Variants in TNIK observed in about 807,000 individuals in gnomAD.
TNIK encodes TRAF2 and NCK-interacting protein kinase.
TNIK carries 49 observed loss-of-function variants against 191.3 expected under a neutral mutation model. The observed-to-expected ratio is 0.26, with a 90% confidence interval of 0.20 to 0.32. The LOEUF (loss-of-function observed/expected upper bound fraction) is 0.32. Ranked by LOEUF, TNIK falls within the 10% of genes least tolerant of loss-of-function variation. The pLI is 1.00. For missense variants in TNIK, 1,155 were observed against 1,702.3 expected (o/e 0.68, Z 5.66); for synonymous variants, 594 against 600.9 (o/e 0.99, Z 0.17).
At chr3:171,104,797 C>G (rs191355646) in intron 21 of TNIK, among the ~76,000 whole-genome samples, 255 of 152,184 alleles carry the variant, frequency 1.7e-3, no homozygotes, top group African/African-American at 5.9e-3. Flanking sequence ...ATATCCTCAT[C>G]TGAGGGAAAA....
Position 171,140,433 on chromosome 3 carries a change from C to T in TNIK, c.1298G>A (p.Arg433Gln), listed in dbSNP as rs758846738. Residue 433 changes from arginine to glutamine, a missense_variant, in exon 13 of 33, where the codon CGG becomes CAG. This residue lies in a region of TNIK where 735 missense variants were observed against 848.0 expected (regional missense o/e 0.87). Transcript: ENST00000436636. ...QRRHYEEQMR[R>Q]EEERRRAEHE... is the part of the protein sequence containing the mutation. ...CTCCGCACGCCTCCTCTCCTCCTCC[C>T]GGCGCATCTGCTCCTCATAGTGCCG... 50 of 1,608,616 alleles carry T rather than the reference C, an allele frequency of 3.1e-5. No homozygotes were observed. The highest frequency in any genetic ancestry group is 5.4e-5 in the African/African-American group (4 of 74,586).
intron 20 of TNIK, 148 bp from the exon 21 acceptor site, chr3:171,107,354 A>G (rs1377304857): frequency 2.9e-6 from 2 of 689,382 alleles, no homozygotes; most frequent in Non-Finnish European, 4.8e-6. Flanking sequence ...GAATGATGCA[A>G]ATCCCTTCAT....
chr3:171,065,191 G>A (rs1718275114), intron 32 of TNIK, among the ~76,000 whole-genome samples: 1 of 152,186 alleles, frequency 6.6e-6, no homozygotes, highest in South Asian at 2.1e-4. Context: ...GATTCTTAGA[G>A]ACTGGGTGGG....
intron 5 of TNIK, among the ~76,000 whole-genome samples, chr3:171,192,162 G>T (rs978147151): frequency 3.9e-5 from 6 of 152,210 alleles, no homozygotes; most frequent in African/African-American, 1.2e-4. Context: ...AGGGTTTGAG[G>T]CACTGGTTTA....
chr3:171,365,013 A>G (rs562007113), intron 2 of TNIK, among the ~76,000 whole-genome samples: 54 of 152,160 alleles, frequency 3.5e-4, no homozygotes, highest in Non-Finnish European at 5.7e-4. Flanking sequence ...TCGTGGGGAT[A>G]ATGAAGGGCC....
intron 2 of TNIK, among the ~76,000 whole-genome samples, chr3:171,267,471 G>T (rs115618798): frequency 6.6e-4 from 101 of 152,294 alleles, no homozygotes; most frequent in African/African-American, 2.3e-3. Context: ...GAGACTCCCA[G>T]GTCTGATTTA....
At chr3:171,207,676 T>A (rs189679539) in intron 4 of TNIK, among the ~76,000 whole-genome samples, 10 of 152,302 alleles carry the variant, frequency 6.6e-5, no homozygotes, top group African/African-American at 2.2e-4. Context: ...CTGCTGCAGC[T>A]TCTGGCAATT....
chr3:171,213,310 C>T (rs10936674), intron 3 of TNIK, among the ~76,000 whole-genome samples: 46,328 of 151,896 alleles, frequency 0.3, 7,246 homozygotes, highest in Middle Eastern at 0.42. Context: ...GGGAGAAAAA[C>T]GACCTGAGGG....
chr3:171,247,196 T>G (rs940145693), intron 2 of TNIK, among the ~76,000 whole-genome samples: 2 of 152,176 alleles, frequency 1.3e-5, no homozygotes, highest in African/African-American at 4.8e-5. Flanking sequence ...GTCACCATCT[T>G]CCCCACTCCT....
chr3:171,331,005 T>C (rs1425178956), intron 2 of TNIK, among the ~76,000 whole-genome samples: 1 of 152,158 alleles, frequency 6.6e-6, no homozygotes, highest in African/African-American at 2.4e-5. Flanking sequence ...GAGGTGCCCA[T>C]TTCGCTTCTG....
At chr3:171,176,748 C>T (rs987357741) in intron 8 of TNIK, among the ~76,000 whole-genome samples, 1 of 152,236 alleles carries the variant, frequency 6.6e-6, no homozygotes, top group Non-Finnish European at 1.5e-5. Context: ...CAATCAGTTA[C>T]ACTTCCTATA....
At chr3:171,068,017 G>A (rs910057766) in intron 30 of TNIK, among the ~76,000 whole-genome samples, 3 of 152,142 alleles carry the variant, frequency 2.0e-5, no homozygotes, top group Non-Finnish European at 4.4e-5. Context: ...CAAAATACCA[G>A]TCAGCGGTAG....
chr3:171,353,369 A>C (rs1713508709), intron 2 of TNIK, among the ~76,000 whole-genome samples: 1 of 152,168 alleles, frequency 6.6e-6, no homozygotes, highest in Admixed American at 6.5e-5. Context: ...CAAGGTTTAG[A>C]CTTTTCATCT....
At chr3:171,368,254 T>C (rs1577660263) in intron 2 of TNIK, among the ~76,000 whole-genome samples, 1 of 152,146 alleles carries the variant, frequency 6.6e-6, no homozygotes, top group Admixed American at 6.5e-5. Context: ...CTCTAAGAAA[T>C]GGCACCATAA....
In TNIK at chr3:171,063,771, T is replaced by C. The variant is rs1248920082; in HGVS notation, c.*110A>G. On this transcript the variant is annotated 3_prime_UTR_variant, in exon 33 of 33. Coordinates refer to ENST00000436636, the MANE Select transcript of TNIK (RefSeq NM_015028.4). ...GGGAGAGGAAAAAGGGAAAGCGATA[T>C]GTTCAACCAAGCCTTCTGATTCTGC... 9.4e-6 allele frequency: 10 copies of C among 1,064,470 alleles called. No homozygotes were observed. Among genetic ancestry groups the C allele is most frequent in the Non-Finnish European group, 1.2e-5 (9 of 732,680 alleles). 65.9% of individuals were successfully genotyped at this position (1,064,470 alleles called of 1,614,324 possible). A position where few individuals can be genotyped will look rare whatever the true frequency, so the allele number is the denominator to read the frequency against.
At chr3:171,191,620 T>C (rs1158655683) in intron 5 of TNIK, among the ~76,000 whole-genome samples, 2 of 152,258 alleles carry the variant, frequency 1.3e-5, no homozygotes, top group African/African-American at 4.8e-5. Flanking sequence ...CCATTGTGCC[T>C]TACATTTAAA....
chr3:171,455,893 C>A (rs775889910), intron 1 of TNIK, among the ~76,000 whole-genome samples: 1 of 152,168 alleles, frequency 6.6e-6, no homozygotes, highest in Non-Finnish European at 1.5e-5. Context: ...CAAGATCTAG[C>A]CTCTGCCCTC....
intron 1 of TNIK, among the ~76,000 whole-genome samples, chr3:171,379,997 G>A (rs1411180387): frequency 6.7e-6 from 1 of 148,868 alleles, no homozygotes; most frequent in Non-Finnish European, 1.5e-5. Context: ...CGACAAAAGC[G>A]AAACTTGGTC....
chr3:171,110,918 C>T (rs1725759919), intron 18 of TNIK, 41 bp from the exon 19 acceptor site: 1 of 1,519,466 alleles, frequency 6.6e-7, no homozygotes, highest in Non-Finnish European at 8.8e-7. Flanking sequence ...CTCTCCAGAC[C>T]TTGCCAGTTT....
Sources: gnomAD v4.1 joint callset for allele counts (sites outside exome capture counted in the v4.1 genomes callset) on GRCh38, gnomAD v4.1.1 for gene constraint, gnomAD v4.1.1 regional missense constraint, MANE v1.5 for transcripts, NCBI Gene and HGNC (gene_info 2026-07-23, HGNC 2026-07-21) for gene names.